Variants in UGT2B4 observed in about 807,000 individuals in gnomAD.
UGT2B4 encodes the protein UDP-glucuronosyltransferase 2B4.
A neutral mutation model predicts 49.8 loss-of-function variants in UGT2B4; 49 were observed. The ratio of observed to expected loss-of-function variants is 0.98; its 90% CI spans 0.78 to 1.25. UGT2B4 has a LOEUF of 1.25. UGT2B4 is among the 50% of genes most tolerant of loss of function. The pLI is 0.00. For synonymous variants in UGT2B4, 246 were observed against 217.7 expected (o/e 1.13, Z -1.14); for missense variants, 729 against 627.7 (o/e 1.16, Z -1.73).
At position 69,502,480 on chromosome 4, in the gene UGT2B4, C is replaced by A. The variant is rs146346426; in HGVS notation, c.-105-6514G>T. ...GGGCAGGCTGCCATCTTTGCTGTTTCTCATATTTCACTGGTAATACCTTCA... is the reference window on the plus strand; with the variant it reads ...GGGCAGGCTGCCATCTTTGCTGTTTATCATATTTCACTGGTAATACCTTCA... On this transcript the variant is annotated intron_variant, in intron 1 of 1. Coordinates refer to the UGT2B4 transcript ENST00000510114. 6.5e-4 allele frequency among the ~76,000 whole-genome samples: 99 copies of A among 152,086 alleles called. 1 individual carries two copies. The highest frequency in any genetic ancestry group is 2.1e-3 in the African/African-American group (88 of 41,494).
Position 69,484,897 on chromosome 4 carries a change from C to T in UGT2B4, c.1310+311G>A, listed in dbSNP as rs41297435. Among the ~76,000 whole-genome samples the T allele has an allele frequency of 5.4e-4, 82 of 152,072 alleles. 2 individuals carry two copies. In the East Asian group the frequency reaches 0.015, roughly 28 times the overall value. ...TGAATTAAAATATTTTATTATATTACGTCAAGTTTATCTTTCCTTTCTACT... is the reference window on the plus strand; with the variant it reads ...TGAATTAAAATATTTTATTATATTATGTCAAGTTTATCTTTCCTTTCTACT... On this transcript the variant is annotated intron_variant, in intron 5 of 5. Coordinates refer to ENST00000305107, the MANE Select transcript of UGT2B4 (RefSeq NM_021139.3).
chr4:69,520,417 G>A lies in UGT2B4; in HGVS notation c.-106+5270C>T, dbSNP rs74396196. On this transcript the variant is annotated intron_variant, in intron 1 of 1. Transcript: ENST00000510114. Reference sequence around the variant, plus strand: ...CAGGAGCCCCATCCTTTTCTGAGTTGGCAGGGTGGTAGCACCGTGCTCCCA... The same window carrying A: ...CAGGAGCCCCATCCTTTTCTGAGTTAGCAGGGTGGTAGCACCGTGCTCCCA... Among the ~76,000 whole-genome samples, 1,110 of 152,310 alleles carry A rather than the reference G, an allele frequency of 7.3e-3. 13 individuals are homozygous for A. The highest frequency in any genetic ancestry group is 0.012 in the Non-Finnish European group (810 of 68,026).
chr4:69,497,913 C>G (rs1728207579), upstream of UGT2B4, among the ~76,000 whole-genome samples: 1 of 152,186 alleles, frequency 6.6e-6, no homozygotes, highest in Admixed American at 6.5e-5. Context: ...CCATTGTTTT[C>G]TTACCCTTAA....
upstream of UGT2B4, among the ~76,000 whole-genome samples, chr4:69,500,606 G>GAAGAAGAAAGAAAGA (rs1728283019): frequency 1.0e-5 from 1 of 99,510 alleles, no homozygotes; most frequent in African/African-American, 4.3e-5. Context: ...AGAAAGCAAG[G>GAAGAAGAAAGAAAGA]AAGAAAGAAA....
At chr4:69,512,743 GTTT>G (rs1176766949) in intron 1 of UGT2B4, among the ~76,000 whole-genome samples, 1 of 151,784 alleles carries the variant, frequency 6.6e-6, no homozygotes, top group Non-Finnish European at 1.5e-5. Flanking sequence ...TGTTTGTTTT[GTTT>G]TGTTTTGTTT....
At chr4:69,486,494 ATTTTAT>A (rs67857571) in intron 4 of UGT2B4, 109 bp downstream of exon 4, 147,272 of 676,874 alleles carry the variant, frequency 0.22, 17,255 homozygotes, top group Admixed American at 0.26. Context: ...AAGAAGTTTC[ATTTTAT>A]TTTTAAGTTT....
In UGT2B4 at chr4:69,489,506, A is replaced by T. The variant is rs1241441087; in HGVS notation, c.935T>A (p.Met312Lys). The T allele has an allele frequency of 1.2e-6, 2 of 1,612,058 alleles. No homozygotes were observed. The highest frequency in any genetic ancestry group is 1.7e-6 in the Non-Finnish European group (2 of 1,178,676). ...CCTTTCTTCTGACGTGTTACTGACC[A>T]TCGACCCCAGAGAAAACACCACAAC... ...NGVVVFSLGS[M>K]VSNTSEERAN... The change falls in exon 3 of 6, where the codon ATG becomes AAG. Residue 312 changes from methionine (M) to lysine (K), a missense_variant. Coordinates refer to ENST00000305107, the MANE Select transcript of UGT2B4 (RefSeq NM_021139.3).
In UGT2B4 at chr4:69,522,640, G is replaced by A. The variant is rs905718877; in HGVS notation, c.-106+3047C>T. Among the ~76,000 whole-genome samples, 7 of 152,082 alleles carry A rather than the reference G, an allele frequency of 4.6e-5. No homozygotes were observed. The East Asian group carries it at 7.7e-4, about 17-fold the overall frequency. ...TTGTTCCTGGAAGATTTTTGCCTCCGTATTAATGGCTGCTGACTAATCAGA... is the reference window on the plus strand; with the variant it reads ...TTGTTCCTGGAAGATTTTTGCCTCCATATTAATGGCTGCTGACTAATCAGA... On this transcript the variant is annotated intron_variant, in intron 1 of 1. Transcript: ENST00000510114.
At chr4:69,486,956 A>G (rs1727805168) in intron 3 of UGT2B4, among the ~76,000 whole-genome samples, 1 of 152,214 alleles carries the variant, frequency 6.6e-6, no homozygotes, top group African/African-American at 2.4e-5. Context: ...AAGTTGTTAC[A>G]CTTTTCAAAA....
chr4:69,483,509 A>G (rs559886401), intron 5 of UGT2B4, among the ~76,000 whole-genome samples: 1 of 152,270 alleles, frequency 6.6e-6, no homozygotes, highest in Admixed American at 6.5e-5. Context: ...AAGTATCTGT[A>G]TATTCACATT....
intron 1 of UGT2B4, among the ~76,000 whole-genome samples, chr4:69,515,629 G>T (rs1385127460): frequency 1.3e-5 from 2 of 151,924 alleles, no homozygotes; most frequent in African/African-American, 4.8e-5. Flanking sequence ...AAACCCCAAA[G>T]CTAGATAAAG....
chr4:69,506,674 A>G (rs2109824765), intron 1 of UGT2B4, among the ~76,000 whole-genome samples: 1 of 151,524 alleles, frequency 6.6e-6, no homozygotes, highest in Middle Eastern at 3.4e-3. Context: ...TTTCTACTAA[A>G]CCTATTTCAA....
chr4:69,523,443 C>G (rs1482622690), intron 1 of UGT2B4, among the ~76,000 whole-genome samples: 1 of 152,110 alleles, frequency 6.6e-6, no homozygotes. Flanking sequence ...CTTGCATTAG[C>G]ATGCGCCTTG....
intron 2 of UGT2B4, among the ~76,000 whole-genome samples, chr4:69,492,440 C>T (rs1190574678): frequency 6.6e-6 from 1 of 152,030 alleles, no homozygotes; most frequent in African/African-American, 2.4e-5. Context: ...GATGAAGATC[C>T]TTGTCACTTG....
upstream of UGT2B4, among the ~76,000 whole-genome samples, chr4:69,500,673 G>A (rs761975545): frequency 2.0e-3 from 212 of 106,006 alleles, 2 homozygotes; most frequent in Non-Finnish European, 3.7e-3. Flanking sequence ...AAGAAAGGAA[G>A]GAAAGAAAAG....
intron 1 of UGT2B4, among the ~76,000 whole-genome samples, chr4:69,500,964 G>A (rs912711308): frequency 1.3e-5 from 2 of 151,972 alleles, no homozygotes; most frequent in Non-Finnish European, 2.9e-5. Context: ...GGCAAAAGTA[G>A]CTGTAGTTCT....
chr4:69,483,077 T>C lies in UGT2B4; in HGVS notation c.1310+2131A>G, dbSNP rs115976212. 2.7e-3 allele frequency among the ~76,000 whole-genome samples: 411 copies of C among 152,314 alleles called. 3 individuals are homozygous for C. The highest frequency in any genetic ancestry group is 9.4e-3 in the African/African-American group (392 of 41,578). On this transcript the variant is annotated intron_variant, in intron 5 of 5. Coordinates refer to ENST00000305107, the MANE Select transcript of UGT2B4 (RefSeq NM_021139.3). ...AAATTTATACATATATTTTCCTATATAATTGAGAGTGGAATTGTTGAAATA... is the reference window on the plus strand; with the variant it reads ...AAATTTATACATATATTTTCCTATACAATTGAGAGTGGAATTGTTGAAATA...
At chr4:69,513,567 T>A (rs921541975) in intron 1 of UGT2B4, among the ~76,000 whole-genome samples, 2 of 152,038 alleles carry the variant, frequency 1.3e-5, no homozygotes, top group Non-Finnish European at 2.9e-5. Flanking sequence ...GGTCTCTTTT[T>A]TCTTTTCATA....
chr4:69,513,495 T>C, intron 1 of UGT2B4, among the ~76,000 whole-genome samples: 1 of 152,218 alleles, frequency 6.6e-6, no homozygotes, highest in East Asian at 1.9e-4. Flanking sequence ...AGCCTTGTAG[T>C]ATAGTTTGAA....
Sources: gnomAD v4.1 joint callset for allele counts (sites outside exome capture counted in the v4.1 genomes callset) on GRCh38, gnomAD v4.1.1 for gene constraint, MANE v1.5 for transcripts, NCBI Gene and HGNC (gene_info 2026-07-23, HGNC 2026-07-21) for gene names.